IGF2BP3: variants seen among roughly 807,000 people sequenced by gnomAD.
IGF2BP3 encodes insulin like growth factor 2 mRNA binding protein 3.
In IGF2BP3, 9 loss-of-function variants were observed where a neutral mutation model predicts 73.8. That is an observed-to-expected ratio of 0.12 (90% CI 0.07 to 0.21). The LOEUF (loss-of-function observed/expected upper bound fraction) is 0.21. IGF2BP3 is among the 10% of genes least tolerant of loss of function. IGF2BP3 has a pLI of 1.00. For synonymous variants in IGF2BP3, 258 were observed against 256.7 expected, an observed-to-expected ratio of 1.01 and a Z score of -0.05; for missense variants, 542 against 714.0, an observed-to-expected ratio of 0.76 and a Z score of 2.75.
intron 10 of IGF2BP3, among the ~76,000 whole-genome samples, chr7:23,334,814 A>G (rs1402721209): frequency 6.6e-6 from 1 of 152,230 alleles, no homozygotes; most frequent in Non-Finnish European, 1.5e-5. Flanking sequence ...AAGACATACA[A>G]GTATGAGCAA....
intron 3 of IGF2BP3, among the ~76,000 whole-genome samples, chr7:23,368,794 C>A (rs574014024): frequency 1.3e-5 from 2 of 151,536 alleles, no homozygotes; most frequent in South Asian, 4.2e-4. Flanking sequence ...CTACTCGGGA[C>A]GCTGAGGCAG....
chr7:23,437,010 T>G (rs994113754), intron 2 of IGF2BP3, among the ~76,000 whole-genome samples: 42 of 151,552 alleles, frequency 2.8e-4, no homozygotes, highest in African/African-American at 9.5e-4. Context: ...TCCCAGCTAT[T>G]TAGGAAGCTG....
intron 3 of IGF2BP3, among the ~76,000 whole-genome samples, chr7:23,417,539 T>C (rs1490246379): frequency 3.9e-5 from 6 of 152,348 alleles, no homozygotes; most frequent in African/African-American, 1.2e-4. Flanking sequence ...ATAGCAGATA[T>C]GCTAGTACTC....
intron 3 of IGF2BP3, among the ~76,000 whole-genome samples, chr7:23,362,087 A>T (rs77267793): frequency 0.053 from 8,044 of 152,180 alleles, 703 homozygotes; most frequent in African/African-American, 0.18. Context: ...TCTCCTTGTA[A>T]ACAAAGTCAC....
chr7:23,421,982 T>C (rs1473047068), intron 2 of IGF2BP3, among the ~76,000 whole-genome samples: 2 of 152,044 alleles, frequency 1.3e-5, no homozygotes, highest in African/African-American at 4.8e-5. Context: ...TCTTGCTATG[T>C]TGTCCAGGTT....
intron 2 of IGF2BP3, among the ~76,000 whole-genome samples, chr7:23,448,086 T>C (rs1372929047): frequency 2.6e-5 from 4 of 152,224 alleles, no homozygotes; most frequent in Admixed American, 6.5e-5. Flanking sequence ...GTCTGAAACA[T>C]GTCAGAGGCC....
chr7:23,397,812 C>T (rs995297830), intron 3 of IGF2BP3, among the ~76,000 whole-genome samples: 20 of 152,272 alleles, frequency 1.3e-4, no homozygotes, highest in Admixed American at 1.0e-3. Context: ...TATCTACCTC[C>T]TAATGCTTAA....
intron 3 of IGF2BP3, among the ~76,000 whole-genome samples, chr7:23,407,543 G>C (rs1238839124): frequency 6.6e-6 from 1 of 151,398 alleles, no homozygotes; most frequent in African/African-American, 2.4e-5. Flanking sequence ...AGGAGGCAGA[G>C]GTTGTGGTGA....
At chr7:23,354,210 C>G (rs983999324) in intron 5 of IGF2BP3, among the ~76,000 whole-genome samples, 1 of 152,166 alleles carries the variant, frequency 6.6e-6, no homozygotes, top group African/African-American at 2.4e-5. Context: ...CCAGGCTGGT[C>G]TTGAACTCTT....
intron 10 of IGF2BP3, among the ~76,000 whole-genome samples, chr7:23,332,025 T>G (rs1784458911): frequency 6.6e-6 from 1 of 151,794 alleles, no homozygotes; most frequent in Non-Finnish European, 1.5e-5. Flanking sequence ...TGTCACACCT[T>G]TAAACCCTTA....
At chr7:23,387,946 C>A (rs1384429388) in intron 3 of IGF2BP3, among the ~76,000 whole-genome samples, 1 of 150,618 alleles carries the variant, frequency 6.6e-6, no homozygotes, top group Non-Finnish European at 1.5e-5. Flanking sequence ...TTTTTTTTTT[C>A]TTTTTTTTGA....
chr7:23,396,659 A>C (rs274017), intron 3 of IGF2BP3: 57,454 of 151,864 alleles, frequency 0.38, 11,523 homozygotes, highest in African/African-American at 0.52. Flanking sequence ...TGGTGAGAAT[A>C]AAGAAAGATG....
chr7:23,338,386 T>C (rs943739134), intron 10 of IGF2BP3, among the ~76,000 whole-genome samples: 1 of 152,214 alleles, frequency 6.6e-6, no homozygotes, highest in African/African-American at 2.4e-5. Context: ...CTGGGCGTGA[T>C]GGTGTGTGCC....
At chr7:23,327,061 G>A (rs975923333) in intron 10 of IGF2BP3, among the ~76,000 whole-genome samples, 6 of 145,850 alleles carry the variant, frequency 4.1e-5, no homozygotes, top group African/African-American at 1.7e-4. Context: ...AAAACTTAAA[G>A]TATAATAAAT....
chr7:23,381,891 C>A (rs1054179355), intron 3 of IGF2BP3, among the ~76,000 whole-genome samples: 2 of 149,272 alleles, frequency 1.3e-5, no homozygotes, highest in Admixed American at 6.7e-5. Flanking sequence ...TAATTTTTAA[C>A]GTCAAAGTCC....
At chr7:23,380,868 C>T (rs1785888498) in intron 3 of IGF2BP3, among the ~76,000 whole-genome samples, 1 of 152,226 alleles carries the variant, frequency 6.6e-6, no homozygotes, top group Non-Finnish European at 1.5e-5. Context: ...CTTGCCAGCA[C>T]CCGATGGCAG....
intron 10 of IGF2BP3, among the ~76,000 whole-genome samples, chr7:23,320,077 ATT>A (rs554430509): frequency 6.3e-5 from 9 of 142,536 alleles, no homozygotes; most frequent in Non-Finnish European, 4.6e-5. Flanking sequence ...CACCCGGCTA[ATT>A]TTTTTTTTTT....
chr7:23,339,211 T>C (rs188268202), intron 10 of IGF2BP3, among the ~76,000 whole-genome samples: 28 of 152,380 alleles, frequency 1.8e-4, no homozygotes, highest in Admixed American at 1.8e-3. Context: ...TCCAGTGACA[T>C]CTTCCTTACA....
intron 2 of IGF2BP3, among the ~76,000 whole-genome samples, chr7:23,444,682 G>A (rs895938036): frequency 6.7e-6 from 1 of 150,308 alleles, no homozygotes; most frequent in African/African-American, 2.5e-5. Flanking sequence ...GGTGGAGGGT[G>A]CAGTGGGCTC....
Sources: gnomAD v4.1 joint callset for allele counts (sites outside exome capture counted in the v4.1 genomes callset) on GRCh38, gnomAD v4.1.1 for gene constraint, MANE v1.5 for transcripts, NCBI Gene and HGNC (gene_info 2026-07-23, HGNC 2026-07-21) for gene names.